The following OXR1 variants were observed in gnomAD, a reference collection of about 807,000 sequenced individuals.
OXR1 encodes oxidation resistance 1.
OXR1 carries 41 observed loss-of-function variants against 104.6 expected under a neutral mutation model. The observed-to-expected ratio is 0.39, with a 90% CI of 0.31 to 0.51. OXR1 has a LOEUF of 0.51. Among genes scored for constraint, OXR1 ranks in the 20% least tolerant of loss-of-function variants. OXR1 has a pLI of 0.77. For missense variants in OXR1, 955 were observed against 1,031.9 expected (o/e 0.93, Z 1.02); for synonymous variants, 348 against 348.4 (o/e 1.00, Z 0.01).
chr8:106,679,482 T>C (rs947876686), intron 4 of OXR1, among the ~76,000 whole-genome samples, 190 bp downstream of exon 4: 3 of 152,022 alleles, frequency 2.0e-5, no homozygotes, highest in Admixed American at 6.6e-5. Flanking sequence ...TACTGAGATA[T>C]AAAGGTAGTT....
chr8:106,568,908 C>T (rs1209288507), intron 3 of OXR1, among the ~76,000 whole-genome samples: 6 of 151,948 alleles, frequency 3.9e-5, no homozygotes, highest in Non-Finnish European at 7.4e-5. Flanking sequence ...TTATGTAAAA[C>T]GTGTACAAAA....
intron 1 of OXR1, among the ~76,000 whole-genome samples, chr8:106,336,813 T>G (rs1814986845): frequency 6.6e-6 from 1 of 152,192 alleles, no homozygotes; most frequent in Non-Finnish European, 1.5e-5. Flanking sequence ...GTACTTCATG[T>G]CATAAACACT....
chr8:106,698,272 T>C (rs182648915), intron 7 of OXR1, among the ~76,000 whole-genome samples: 1 of 152,356 alleles, frequency 6.6e-6, no homozygotes, highest in Admixed American at 6.5e-5. Context: ...ATTATTTTTA[T>C]GTTTGGTGTT....
chr8:106,417,027 G>A (rs899942415), intron 2 of OXR1, among the ~76,000 whole-genome samples: 1 of 152,108 alleles, frequency 6.6e-6, no homozygotes, highest in Non-Finnish European at 1.5e-5. Context: ...AAGGAAGAAT[G>A]AGTACTATAA....
intron 2 of OXR1, among the ~76,000 whole-genome samples, chr8:106,395,329 T>C (rs1021092362): frequency 6.6e-6 from 1 of 152,078 alleles, no homozygotes; most frequent in African/African-American, 2.4e-5. Flanking sequence ...AAAGACATAC[T>C]TGAGACTGGG....
At chr8:106,544,094 T>A (rs1815161772) in intron 3 of OXR1, among the ~76,000 whole-genome samples, 1 of 152,190 alleles carries the variant, frequency 6.6e-6, no homozygotes, top group African/African-American at 2.4e-5. Context: ...AGAATTTTAT[T>A]TTTTTCCCAA....
intron 3 of OXR1, among the ~76,000 whole-genome samples, chr8:106,608,558 G>T (rs1393370023): frequency 6.6e-6 from 1 of 152,072 alleles, no homozygotes; most frequent in Non-Finnish European, 1.5e-5. Context: ...CATATTTTTT[G>T]AAAAGGATGG....
At chr8:106,454,263 C>T (rs531180671) in intron 2 of OXR1, among the ~76,000 whole-genome samples, 12 of 151,908 alleles carry the variant, frequency 7.9e-5, no homozygotes, top group South Asian at 2.1e-4. Flanking sequence ...GAGTTTGAGA[C>T]CAGCCTGGGC....
chr8:106,616,058 C>G (rs1277463152), intron 3 of OXR1, among the ~76,000 whole-genome samples: 2 of 92,604 alleles, frequency 2.2e-5, no homozygotes, highest in South Asian at 3.6e-4. Context: ...TTTTTTGAGA[C>G]GGAGTCTTGC....
intron 16 of OXR1, among the ~76,000 whole-genome samples, chr8:106,749,140 A>T (rs1026798897): frequency 2.0e-5 from 3 of 151,904 alleles, no homozygotes; most frequent in Non-Finnish European, 4.4e-5. Flanking sequence ...CAGGAGATCG[A>T]TACCATCCTG....
intron 3 of OXR1, among the ~76,000 whole-genome samples, chr8:106,557,987 G>A (rs1816407579): frequency 6.6e-6 from 1 of 152,198 alleles, no homozygotes; most frequent in Non-Finnish European, 1.5e-5. Context: ...ACATTTTACT[G>A]TGATTGTTAA....
rs1206976179 is a variant in OXR1, at chr8:106,346,919, T to C, written c.-138-12557T>C. 2.0e-5 allele frequency among the ~76,000 whole-genome samples: 3 copies of C among 152,168 alleles called. No homozygotes were observed. The East Asian group carries it at 5.8e-4, about 29-fold the overall frequency. On this transcript the variant is annotated intron_variant, in intron 1 of 16. Coordinates refer to ENST00000517566, the MANE Select transcript of OXR1 (RefSeq NM_001198533.2). ...TTAGCCGGGCGTGGTGGCGGGCACC[T>C]GTAGTCCCAGCTACTCGGGAGGCTG... is the stretch of plus-strand genomic sequence containing the variant.
intron 5 of OXR1, among the ~76,000 whole-genome samples, chr8:106,683,556 T>A (rs938203867): frequency 2.0e-5 from 3 of 152,172 alleles, no homozygotes; most frequent in Non-Finnish European, 4.4e-5. Flanking sequence ...TTTAAAATAT[T>A]CAGAACAATA....
intron 2 of OXR1, among the ~76,000 whole-genome samples, chr8:106,398,098 A>G (rs1586603226): frequency 6.6e-6 from 1 of 152,214 alleles, no homozygotes; most frequent in African/African-American, 2.4e-5. Context: ...GACACCAGTC[A>G]TATTGGATTA....
At chr8:106,644,742 G>A (rs1232312879) in intron 3 of OXR1, among the ~76,000 whole-genome samples, 1 of 152,056 alleles carries the variant, frequency 6.6e-6, no homozygotes, top group African/African-American at 2.4e-5. Context: ...TAGTCTCATG[G>A]ACCTTTTTCG....
chr8:106,740,292 C>T (rs1438505154), intron 13 of OXR1, 51 bp from the exon 14 acceptor site: 1 of 1,445,424 alleles, frequency 6.9e-7, no homozygotes, highest in East Asian at 2.3e-5. Flanking sequence ...TAGTATTCTA[C>T]ATAATGAACA....
chr8:106,396,079 ATACATAC>A (rs1435691908), intron 2 of OXR1, among the ~76,000 whole-genome samples: 95 of 82,098 alleles, frequency 1.2e-3, no homozygotes, highest in East Asian at 1.9e-3. Context: ...ATATAAATAC[ATACATAC>A]ATACATACAT....
intron 3 of OXR1, among the ~76,000 whole-genome samples, chr8:106,634,798 G>C (rs1410713156): frequency 1.3e-5 from 2 of 151,390 alleles, no homozygotes; most frequent in East Asian, 3.9e-4. Context: ...ATCTAGACCA[G>C]GATAACTGAC....
At chr8:106,701,014 A>G (rs1181536449) in intron 7 of OXR1, among the ~76,000 whole-genome samples, 1 of 152,104 alleles carries the variant, frequency 6.6e-6, no homozygotes, top group Non-Finnish European at 1.5e-5. Context: ...TTGATTATCT[A>G]CATCTTGGAT....
Sources: allele counts gnomAD v4.1 joint callset (sites outside exome capture counted in the v4.1 genomes callset), GRCh38; gene constraint gnomAD v4.1.1; transcripts MANE v1.5; gene names NCBI Gene and HGNC (gene_info 2026-07-23, HGNC 2026-07-21).